The following LMX1B variants were observed in gnomAD, a reference collection of about 807,000 sequenced individuals.
LMX1B encodes the protein LIM homeobox transcription factor 1-beta.
LMX1B carries 12 observed loss-of-function variants against 51.4 expected under a neutral mutation model. The observed-to-expected ratio is 0.23, with a 90% CI of 0.15 to 0.38. LMX1B has a LOEUF of 0.38. Among genes scored for constraint, LMX1B ranks in the 10% least tolerant of loss-of-function variants. LMX1B has a pLI of 1.00. For missense variants in LMX1B, 445 were observed against 571.1 expected (o/e 0.78, Z 2.25); for synonymous variants, 237 against 235.4 (o/e 1.01, Z -0.06).
chr9:126,643,592 T>C (rs924856420), intron 2 of LMX1B, among the ~76,000 whole-genome samples: 1 of 152,136 alleles, frequency 6.6e-6, no homozygotes, highest in Non-Finnish European at 1.5e-5. Context: ...TAGCAATCAT[T>C]CATTATCCCA....
chr9:126,643,483 T>G (rs1835844001), intron 2 of LMX1B, among the ~76,000 whole-genome samples: 1 of 152,206 alleles, frequency 6.6e-6, no homozygotes, highest in South Asian at 2.1e-4. Flanking sequence ...CCTCTCTAAC[T>G]GGGGAGCACA....
rs948228831 is a variant in LMX1B at position 126,671,647 on chromosome 9, C to T, written c.327-19189C>T. Among the ~76,000 whole-genome samples the T allele has an allele frequency of 3.3e-5, 5 of 152,202 alleles. No homozygotes were observed. Among genetic ancestry groups the T allele is most frequent in the South Asian group, 2.1e-4 (1 of 4,836 alleles). On this transcript the variant is annotated intron_variant, in intron 2 of 7. Coordinates refer to ENST00000373474, the MANE Select transcript of LMX1B (RefSeq NM_001174147.2). The surrounding 1 kb of genome is among the most constrained non-coding windows in gnomAD (Gnocchi z 4.4). ...AATCCTGTATCTTTTGAAAGATAGGCGCACCCCGGGATGAGAGGTCAGCGG... is the reference window on the plus strand; with the variant it reads ...AATCCTGTATCTTTTGAAAGATAGGTGCACCCCGGGATGAGAGGTCAGCGG...
At chr9:126,696,060 C>A in intron 7 of LMX1B, 57 bp downstream of exon 7, 1 of 1,438,268 alleles carries the variant, frequency 7.0e-7, no homozygotes, top group Non-Finnish European at 9.2e-7. Flanking sequence ...CCCTGCCAGG[C>A]CAGGCAGGCC....
At chr9:126,684,267 GGACA>G (rs922772051) in intron 2 of LMX1B, among the ~76,000 whole-genome samples, 4 of 152,012 alleles carry the variant, frequency 2.6e-5, no homozygotes. Flanking sequence ...ACCTATAAAG[GGACA>G]GACAGACAGA....
chr9:126,615,358 C>T lies in LMX1B; in HGVS notation c.140-25C>T, dbSNP rs1489848100. 6 of 1,524,750 alleles carry T rather than the reference C, an allele frequency of 3.9e-6. No individual in the cohort carries two copies. The highest frequency in any genetic ancestry group is 2.9e-5 in the African/African-American group (2 of 69,310). 94.5% of individuals were successfully genotyped at this position (1,524,750 alleles called of 1,614,324 possible). A position where few individuals can be genotyped will look rare whatever the true frequency, so the allele number is the denominator to read the frequency against. ...GGCTGGGCCGGGCGGCGCTGACGGC[C>T]GGGCTTTCGCCCTGTGCGCTACAGG... On this transcript the variant is annotated intron_variant, in intron 1 of 7. Transcript: ENST00000373474. The surrounding 1 kb of genome is among the most constrained non-coding windows in gnomAD (Gnocchi z 6.0).
intron 5 of LMX1B, 64 bp from the exon 6 acceptor site, chr9:126,693,682 G>A: frequency 6.3e-7 from 1 of 1,592,848 alleles, no homozygotes; most frequent in South Asian, 1.1e-5. Flanking sequence ...GGTCCAGGGG[G>A]CGTGGGGCTG....
At chr9:126,676,887 C>T (rs1175900015) in intron 2 of LMX1B, among the ~76,000 whole-genome samples, 1 of 152,202 alleles carries the variant, frequency 6.6e-6, no homozygotes, top group Non-Finnish European at 1.5e-5. Context: ...CAAATGACTG[C>T]GGGCGATTAG....
chr9:126,676,639 C>T (rs2118957321), intron 2 of LMX1B, among the ~76,000 whole-genome samples: 1 of 152,346 alleles, frequency 6.6e-6, no homozygotes, highest in Non-Finnish European at 1.5e-5. Context: ...TCTGCTACCC[C>T]AGTTCTTCCA....
At chr9:126,681,346 G>A (rs1212564885) in intron 2 of LMX1B, among the ~76,000 whole-genome samples, 1 of 152,104 alleles carries the variant, frequency 6.6e-6, no homozygotes. Flanking sequence ...TGCACTCCCT[G>A]TTCTTCCCCT....
chr9:126,630,556 A>G (rs1835614905), intron 2 of LMX1B, among the ~76,000 whole-genome samples: 2 of 152,194 alleles, frequency 1.3e-5, no homozygotes, highest in South Asian at 4.1e-4. Context: ...GTCTTGCCCT[A>G]GGTCACACAG....
intron 2 of LMX1B, among the ~76,000 whole-genome samples, chr9:126,666,233 G>A (rs1436395413): frequency 6.6e-6 from 1 of 152,242 alleles, no homozygotes; most frequent in Admixed American, 6.5e-5. Flanking sequence ...GAGCAGGCAG[G>A]CTCCCTGAAG....
At chr9:126,662,279 C>T (rs1272714967) in intron 2 of LMX1B, among the ~76,000 whole-genome samples, 2 of 152,160 alleles carry the variant, frequency 1.3e-5, no homozygotes, top group African/African-American at 4.8e-5. Context: ...TGGTGCTTAG[C>T]ATGAGCCTGG....
At chr9:126,628,818 C>T (rs1242228289) in intron 2 of LMX1B, among the ~76,000 whole-genome samples, 1 of 152,050 alleles carries the variant, frequency 6.6e-6, no homozygotes, top group Non-Finnish European at 1.5e-5. Context: ...GTTGCCATCC[C>T]CAAAGCTAGT....
chr9:126,649,006 G>T (rs1835954352), intron 2 of LMX1B, among the ~76,000 whole-genome samples: 1 of 152,138 alleles, frequency 6.6e-6, no homozygotes, highest in Non-Finnish European at 1.5e-5. Flanking sequence ...AACCTGGCCT[G>T]CTTGCCTGCT....
At chr9:126,676,239 C>T (rs1836559456) in intron 2 of LMX1B, among the ~76,000 whole-genome samples, 1 of 152,114 alleles carries the variant, frequency 6.6e-6, no homozygotes, top group South Asian at 2.1e-4. Flanking sequence ...TCCTGCCTGG[C>T]CTCTCCGTCA....
At chr9:126,637,761 A>C (rs1835738349) in intron 2 of LMX1B, among the ~76,000 whole-genome samples, 2 of 150,016 alleles carry the variant, frequency 1.3e-5, no homozygotes, top group South Asian at 2.1e-4. Flanking sequence ...CACCTCTATC[A>C]CGTGCAGGGG....
chr9:126,696,016 A>ACCACCC lies in LMX1B; in HGVS notation c.1051+15_1051+16insACCCCC. ...ATGAACCCCTATGGTAAGCCGCCCT[A>ACCACCC]CCCCCACCCGCCCGCCCCAGCACAG... On this transcript the variant is annotated intron_variant, in intron 7 of 7. Transcript: ENST00000373474. 13 of 1,512,686 alleles carry ACCACCC rather than the reference A, an allele frequency of 8.6e-6. No homozygotes were observed. The highest frequency in any genetic ancestry group is 9.7e-6 in the Non-Finnish European group (11 of 1,131,788). 93.7% of individuals were successfully genotyped at this position (1,512,686 alleles called of 1,614,324 possible).
At chr9:126,667,442 G>T (rs1836363136) in intron 2 of LMX1B, among the ~76,000 whole-genome samples, 1 of 152,216 alleles carries the variant, frequency 6.6e-6, no homozygotes, top group African/African-American at 2.4e-5. Context: ...GAGCATCCTG[G>T]TACATATATC....
At chr9:126,629,016 C>T (rs1413933129) in intron 2 of LMX1B, among the ~76,000 whole-genome samples, 5 of 152,124 alleles carry the variant, frequency 3.3e-5, no homozygotes, top group East Asian at 1.9e-4. Flanking sequence ...AGCAGGGGTT[C>T]CCCTTTCTAT....
Sources: gnomAD v4.1 joint callset for allele counts (sites outside exome capture counted in the v4.1 genomes callset) on GRCh38, gnomAD v4.1.1 for gene constraint, Gnocchi (gnomAD v3.1) non-coding constraint, MANE v1.5 for transcripts, NCBI Gene and HGNC (gene_info 2026-07-23, HGNC 2026-07-21) for gene names.